LIMCH1: variants seen among roughly 807,000 people sequenced by gnomAD.
LIMCH1 encodes the protein LIM and calponin homology domains-containing protein 1.
LIMCH1 carries 113 observed loss-of-function variants against 176.5 expected under a neutral mutation model. That is an observed-to-expected ratio of 0.64 (90% CI 0.55 to 0.75). The LOEUF (loss-of-function observed/expected upper bound fraction) is 0.75. Among genes scored for constraint, LIMCH1 ranks in the 30% least tolerant of loss-of-function variants. The pLI, the probability that LIMCH1 is intolerant of heterozygous loss-of-function variation, is 0.00. For missense variants in LIMCH1, 1,674 were observed against 1,814.9 expected (o/e 0.92, Z 1.41); for synonymous variants, 619 against 645.9 (o/e 0.96, Z 0.63).
At chr4:41,599,985 T>C (rs1330282922) in intron 2 of LIMCH1, among the ~76,000 whole-genome samples, 1 of 152,180 alleles carries the variant, frequency 6.6e-6, no homozygotes, top group Non-Finnish European at 1.5e-5. Context: ...TTTGATTTTA[T>C]ACTATTTGCT....
intron 21 of LIMCH1, among the ~76,000 whole-genome samples, chr4:41,669,787 C>G (rs1185900812): frequency 6.6e-6 from 1 of 152,212 alleles, no homozygotes; most frequent in African/African-American, 2.4e-5. Context: ...AGGCATAGGT[C>G]TCTGCCCAGC....
chr4:41,689,399 T>G, intron 29 of LIMCH1, 128 bp from the exon 30 acceptor site: 1 of 566,088 alleles, frequency 1.8e-6, no homozygotes, highest in Non-Finnish European at 3.2e-6. Context: ...TCTGTCATTC[T>G]CATTTCATTC....
At chr4:41,534,758 C>T (rs897592302), upstream of LIMCH1, among the ~76,000 whole-genome samples, 3 of 151,742 alleles carry the variant, frequency 2.0e-5, no homozygotes, top group African/African-American at 7.3e-5. Context: ...ATAGTATTGT[C>T]TTTGGAGTGT....
chr4:41,506,002 T>C (rs2074118551), intron 2 of LIMCH1, among the ~76,000 whole-genome samples: 1 of 147,462 alleles, frequency 6.8e-6, no homozygotes, highest in African/African-American at 2.6e-5. Flanking sequence ...CCCTAAAGAC[T>C]GGGAGACCAA....
chr4:41,365,857 C>T (rs767249548), intron 1 of LIMCH1, among the ~76,000 whole-genome samples: 8 of 152,194 alleles, frequency 5.3e-5, no homozygotes, highest in South Asian at 2.1e-4. Flanking sequence ...CTTCTTGCCC[C>T]GGCATCTCCC....
At chr4:41,524,469 T>G (rs760017818) in exon 3 of LIMCH1, 8 of 1,612,570 alleles carry the variant, frequency 5.0e-6, no homozygotes, top group Non-Finnish European at 6.8e-6. Context: ...CTACCCCCAT[T>G]GCAGGACTGG....
intron 1 of LIMCH1, among the ~76,000 whole-genome samples, chr4:41,401,387 C>T (rs1192781975): frequency 6.6e-6 from 1 of 152,146 alleles, no homozygotes; most frequent in Non-Finnish European, 1.5e-5. Context: ...TTCCATTGAT[C>T]TATATCTCTG....
At chr4:41,366,169 A>T (rs1396555148) in intron 1 of LIMCH1, among the ~76,000 whole-genome samples, 1 of 152,196 alleles carries the variant, frequency 6.6e-6, no homozygotes, top group Non-Finnish European at 1.5e-5. Flanking sequence ...GATAAAAATT[A>T]TGTTAATGAT....
At chr4:41,659,534 C>T (rs1465272224) in intron 18 of LIMCH1, among the ~76,000 whole-genome samples, 1 of 152,164 alleles carries the variant, frequency 6.6e-6, no homozygotes, top group Middle Eastern at 3.4e-3. Flanking sequence ...AAATACCTTT[C>T]ATTTTGAGAG....
intron 5 of LIMCH1, among the ~76,000 whole-genome samples, chr4:41,616,405 T>C (rs919233340): frequency 6.6e-6 from 1 of 152,062 alleles, no homozygotes; most frequent in Non-Finnish European, 1.5e-5. Context: ...GGCGGGCGCC[T>C]GTAATTCCAG....
chr4:41,623,594 C>T (rs2092736896), intron 7 of LIMCH1, among the ~76,000 whole-genome samples: 2 of 152,168 alleles, frequency 1.3e-5, no homozygotes, highest in South Asian at 4.2e-4. Flanking sequence ...CCTGTCTCCA[C>T]TAAAAGTACC....
At chr4:41,480,645 A>G (rs1383865506) in intron 1 of LIMCH1, among the ~76,000 whole-genome samples, 1 of 152,196 alleles carries the variant, frequency 6.6e-6, no homozygotes, top group Non-Finnish European at 1.5e-5. Context: ...AAGCAGCAAC[A>G]TGATACCCAG....
intron 1 of LIMCH1, among the ~76,000 whole-genome samples, chr4:41,406,248 G>A (rs1235279937): frequency 6.6e-6 from 1 of 152,098 alleles, no homozygotes; most frequent in Non-Finnish European, 1.5e-5. Flanking sequence ...TCTGACTCTG[G>A]TCTAAGGACA....
intron 1 of LIMCH1, among the ~76,000 whole-genome samples, chr4:41,555,627 T>C (rs1362258525): frequency 6.6e-6 from 1 of 152,228 alleles, no homozygotes; most frequent in Non-Finnish European, 1.5e-5. Context: ...GCTTATCTTC[T>C]AATGAGAAAA....
At chr4:41,546,554 T>G (rs1169750411) in intron 1 of LIMCH1, among the ~76,000 whole-genome samples, 2 of 152,126 alleles carry the variant, frequency 1.3e-5, no homozygotes, top group Non-Finnish European at 2.9e-5. Context: ...TTTCTTCTTT[T>G]TTATTCTTTT....
At chr4:41,418,781 A>G (rs1038516276) in intron 1 of LIMCH1, 2 of 151,240 alleles carry the variant, frequency 1.3e-5, no homozygotes, top group Non-Finnish European at 2.9e-5. Flanking sequence ...TCAGGCTTTT[A>G]AAGGGCTGAC....
At chr4:41,441,242 T>G (rs1430610521) in intron 1 of LIMCH1, among the ~76,000 whole-genome samples, 7 of 152,246 alleles carry the variant, frequency 4.6e-5, no homozygotes, top group African/African-American at 1.7e-4. Flanking sequence ...TTGCTTATAT[T>G]TCAATGAAAA....
At chr4:41,624,008 A>G (rs1048377911) in intron 7 of LIMCH1, among the ~76,000 whole-genome samples, 1 of 152,192 alleles carries the variant, frequency 6.6e-6, no homozygotes, top group Non-Finnish European at 1.5e-5. Flanking sequence ...TAACTTAATT[A>G]TCCCCCAAAT....
At chr4:41,656,270 G>A (rs2094461893) in intron 18 of LIMCH1, among the ~76,000 whole-genome samples, 1 of 152,164 alleles carries the variant, frequency 6.6e-6, no homozygotes, top group East Asian at 1.9e-4. Flanking sequence ...ATTTGAGTAG[G>A]TGCCGTTTTT....
Sources: allele counts gnomAD v4.1 joint callset (sites outside exome capture counted in the v4.1 genomes callset), GRCh38; gene constraint gnomAD v4.1.1; transcripts MANE v1.5; gene names NCBI Gene and HGNC (gene_info 2026-07-23, HGNC 2026-07-21).